Variants in RTL4 observed in about 807,000 individuals in gnomAD.
RTL4 encodes retrotransposon Gag like 4, also known as retrotransposon Gag-like protein 4.
Under a neutral mutation model 5.3 loss-of-function variants are expected in RTL4, and 4 were observed. That is an observed-to-expected ratio of 0.75 (90% CI 0.37 to 1.72). The LOEUF (loss-of-function observed/expected upper bound fraction) is 1.72. Ranked by LOEUF, RTL4 falls within the 40% of genes most tolerant of loss-of-function variation. RTL4 has a pLI of 0.04. For synonymous variants in RTL4, 98 were observed against 87.3 expected (o/e 1.12, Z -0.68); for missense variants, 260 against 227.1 (o/e 1.14, Z -0.93).
the RTL4 span, among the ~76,000 whole-genome samples, chrX:112,103,904 A>G: frequency 9.0e-6 from 1 of 111,325 alleles, no homozygotes; most frequent in South Asian, 3.7e-4. Flanking sequence ...TTTTGTAATG[A>G]TAACATTTAA....
the RTL4 span, among the ~76,000 whole-genome samples, chrX:112,316,165 CTA>C: frequency 8.9e-6 from 1 of 111,959 alleles, no homozygotes; most frequent in African/African-American, 3.2e-5. Context: ...AGCCCAGTGA[CTA>C]TTTTAATTTG....
At chrX:112,260,766 A>G in the RTL4 span, among the ~76,000 whole-genome samples, 1 of 111,707 alleles carries the variant, frequency 9.0e-6, no homozygotes, top group Non-Finnish European at 1.9e-5. Context: ...CTATACCTAT[A>G]CATTTGGTTA....
the RTL4 span, among the ~76,000 whole-genome samples, chrX:112,195,588 TGTGAA>T: frequency 4.5e-5 from 5 of 111,502 alleles, no homozygotes; most frequent in African/African-American, 1.6e-4. Context: ...ACACTACGGC[TGTGAA>T]GTACTGGTCT....
At chrX:112,100,850 T>A in the RTL4 span, among the ~76,000 whole-genome samples, 2 of 111,689 alleles carry the variant, frequency 1.8e-5, no homozygotes, top group Admixed American at 1.9e-4. Context: ...TAGTCTTTTA[T>A]TTTGGGTGTC....
chrX:112,236,063 T>C, the RTL4 span, among the ~76,000 whole-genome samples: 37 of 110,483 alleles, frequency 3.3e-4, no homozygotes, highest in Non-Finnish European at 6.1e-4. Flanking sequence ...GGAGGGAAAG[T>C]ATGAAACAAT....
At chrX:112,164,086 G>C in the RTL4 span, among the ~76,000 whole-genome samples, 1 of 111,939 alleles carries the variant, frequency 8.9e-6, no homozygotes, top group Non-Finnish European at 1.9e-5. Context: ...GAGGTCTAAA[G>C]TGATTTGCTC....
chrX:112,186,319 C>T, the RTL4 span, among the ~76,000 whole-genome samples: 1 of 112,185 alleles, frequency 8.9e-6, no homozygotes, highest in African/African-American at 3.2e-5. Context: ...GACACAAAGT[C>T]ACCACACAGT....
chrX:112,397,862 A>T, the RTL4 span, among the ~76,000 whole-genome samples: 1 of 111,913 alleles, frequency 8.9e-6, no homozygotes, highest in Admixed American at 9.5e-5. Flanking sequence ...ACACTGCTAA[A>T]TTCACTTATT....
chrX:112,319,437 A>G, the RTL4 span, among the ~76,000 whole-genome samples: 14 of 112,144 alleles, frequency 1.2e-4, no homozygotes, highest in Admixed American at 1.2e-3. Flanking sequence ...GGCACTCTCC[A>G]TAGTAATAGA....
chrX:112,128,169 A>G, the RTL4 span, among the ~76,000 whole-genome samples: 2 of 111,686 alleles, frequency 1.8e-5, no homozygotes, highest in Non-Finnish European at 3.8e-5. Context: ...TTAAAATCTT[A>G]TTAAAAAGCT....
At chrX:112,182,487 A>G in the RTL4 span, among the ~76,000 whole-genome samples, 2 of 112,273 alleles carry the variant, frequency 1.8e-5, no homozygotes, top group African/African-American at 6.5e-5. Context: ...AGAGAAGAGC[A>G]TAAATGACCT....
the RTL4 span, among the ~76,000 whole-genome samples, chrX:112,301,607 C>A: frequency 1.8e-5 from 2 of 109,203 alleles, no homozygotes; most frequent in Admixed American, 2.0e-4. Flanking sequence ...GATTAGAGAA[C>A]CCAAACAGGT....
chrX:112,265,751 C>T, the RTL4 span, among the ~76,000 whole-genome samples: 27 of 108,833 alleles, frequency 2.5e-4, no homozygotes, highest in African/African-American at 8.4e-4. Flanking sequence ...ATCTTCTCTC[C>T]CCCTCCCTTT....
chrX:112,351,678 T>G, the RTL4 span, among the ~76,000 whole-genome samples: 1 of 109,677 alleles, frequency 9.1e-6, no homozygotes, highest in Non-Finnish European at 1.9e-5. Flanking sequence ...TATCAGAGAC[T>G]AGGATTGCAA....
chrX:112,118,292 T>C, the RTL4 span, among the ~76,000 whole-genome samples: 7 of 112,264 alleles, frequency 6.2e-5, no homozygotes, highest in Admixed American at 6.6e-4. Flanking sequence ...TTGATGTTGA[T>C]TTCAAGGCTT....
At chrX:112,317,866 G>C in the RTL4 span, among the ~76,000 whole-genome samples, 39,671 of 110,373 alleles carry the variant, frequency 0.36, 7,415 homozygotes, top group African/African-American at 0.72. Flanking sequence ...TTATGCCCTT[G>C]CCAATGCTCA....
the RTL4 span, among the ~76,000 whole-genome samples, chrX:112,214,936 C>A: frequency 9.1e-6 from 1 of 109,447 alleles, no homozygotes; most frequent in East Asian, 2.9e-4. Flanking sequence ...CTACACGCAC[C>A]CACCACCACA....
chrX:112,185,906 A>G, the RTL4 span, among the ~76,000 whole-genome samples: 2 of 111,172 alleles, frequency 1.8e-5, no homozygotes, highest in African/African-American at 6.5e-5. Context: ...GGAGCTAATT[A>G]GTTTCCATAA....
the RTL4 span, among the ~76,000 whole-genome samples, chrX:112,246,025 G>A: frequency 1.2e-4 from 14 of 112,328 alleles, no homozygotes; most frequent in African/African-American, 2.6e-4. Context: ...TATCACCAGC[G>A]GAAGCTGCAG....
Sources: gnomAD v4.1 joint callset for allele counts (sites outside exome capture counted in the v4.1 genomes callset) on GRCh38, gnomAD v4.1.1 for gene constraint, MANE v1.5 for transcripts, NCBI Gene and HGNC (gene_info 2026-07-23, HGNC 2026-07-21) for gene names.